Variants in UBE2E2 observed in about 807,000 individuals in gnomAD.
UBE2E2 encodes ubiquitin-conjugating enzyme E2 E2.
A neutral mutation model predicts 24.7 loss-of-function variants in UBE2E2; 6 were observed. The observed-to-expected ratio is 0.24, with a 90% confidence interval of 0.13 to 0.48. UBE2E2 has a LOEUF of 0.48. Among genes scored for constraint, UBE2E2 ranks in the 20% least tolerant of loss-of-function variants. The probability of loss-of-function intolerance (pLI) is 0.99; values close to 1 mark genes in which losing one functional copy is unlikely to be tolerated. For missense variants in UBE2E2, 169 were observed against 245.0 expected, an observed-to-expected ratio of 0.69 and a Z score of 2.07; for synonymous variants, 104 against 83.6, an observed-to-expected ratio of 1.24 and a Z score of -1.33.
intron 3 of UBE2E2, among the ~76,000 whole-genome samples, chr3:23,425,129 A>G (rs970505414): frequency 2.0e-4 from 30 of 152,200 alleles, no homozygotes; most frequent in African/African-American, 6.5e-4. Context: ...CCAAGTGTCA[A>G]TCCTTTCCTT....
intron 5 of UBE2E2, among the ~76,000 whole-genome samples, chr3:23,577,419 G>A (rs1372910485): frequency 6.6e-6 from 1 of 151,958 alleles, no homozygotes; most frequent in Non-Finnish European, 1.5e-5. Context: ...ACTCCCTTAA[G>A]CCAAAGCCTA....
chr3:23,295,986 G>A (rs1698896985), intron 3 of UBE2E2, among the ~76,000 whole-genome samples: 1 of 152,100 alleles, frequency 6.6e-6, no homozygotes, highest in Admixed American at 6.6e-5. Context: ...CTAATATGTG[G>A]CCTCTGCTCT....
chr3:23,312,963 C>T (rs1341763236), intron 3 of UBE2E2, among the ~76,000 whole-genome samples: 2 of 152,092 alleles, frequency 1.3e-5, no homozygotes, highest in Admixed American at 6.6e-5. Context: ...ATACCTGATA[C>T]TATTTCTTTT....
At chr3:23,246,364 G>T (rs1192204908) in intron 3 of UBE2E2, among the ~76,000 whole-genome samples, 1 of 150,960 alleles carries the variant, frequency 6.6e-6, no homozygotes, top group Non-Finnish European at 1.5e-5. Flanking sequence ...GGGACTACAG[G>T]CGCCCGCCAC....
At chr3:23,473,895 C>T (rs1699075653) in intron 3 of UBE2E2, among the ~76,000 whole-genome samples, 1 of 151,954 alleles carries the variant, frequency 6.6e-6, no homozygotes, top group South Asian at 2.1e-4. Flanking sequence ...CATATAATGA[C>T]TTCTTTTCCT....
At chr3:23,289,925 A>G (rs1001527230) in intron 3 of UBE2E2, among the ~76,000 whole-genome samples, 6 of 152,222 alleles carry the variant, frequency 3.9e-5, no homozygotes, top group African/African-American at 1.4e-4. Context: ...ATATGACCAT[A>G]CTTTTGCATA....
intron 5 of UBE2E2, among the ~76,000 whole-genome samples, chr3:23,563,373 A>C (rs185354929): frequency 2.6e-5 from 4 of 151,996 alleles, no homozygotes; most frequent in East Asian, 3.9e-4. Context: ...CATGTAGTTG[A>C]TCGGTTTTGA....
At position 23,589,160 on chromosome 3, in the gene UBE2E2, A is replaced by T. The variant is rs1291502765; in HGVS notation, c.509-574A>T. On this transcript the variant is annotated intron_variant, in intron 5 of 5. Transcript: ENST00000396703. This position sits in a 1 kb window ranked among gnomAD's most constrained non-coding sequence, Gnocchi z 4.1. ...TTGAAGACAGGCATCTCACACCTGTAATCCCAGCACTTTGGGAGGCTGAGG... is the reference window on the plus strand; with the variant it reads ...TTGAAGACAGGCATCTCACACCTGTTATCCCAGCACTTTGGGAGGCTGAGG... 1.3e-5 allele frequency among the ~76,000 whole-genome samples: 2 copies of T among 152,198 alleles called. No individual in the cohort carries two copies. Among genetic ancestry groups the T allele is most frequent in the East Asian group, 3.8e-4 (2 of 5,198 alleles).
intron 3 of UBE2E2, among the ~76,000 whole-genome samples, chr3:23,439,035 G>T (rs1698240281): frequency 6.6e-6 from 1 of 152,148 alleles, no homozygotes; most frequent in Non-Finnish European, 1.5e-5. Flanking sequence ...CTAAGTAATT[G>T]AGTGATCATT....
At chr3:23,268,372 A>T (rs1456064834) in intron 3 of UBE2E2, among the ~76,000 whole-genome samples, 7 of 152,010 alleles carry the variant, frequency 4.6e-5, no homozygotes, top group Non-Finnish European at 7.4e-5. Context: ...AGGATACAAA[A>T]TCAATGTACA....
At chr3:23,267,715 A>G (rs1559326034) in intron 3 of UBE2E2, among the ~76,000 whole-genome samples, 1 of 152,168 alleles carries the variant, frequency 6.6e-6, no homozygotes, top group Non-Finnish European at 1.5e-5. Context: ...TAAGGCCAGC[A>G]TCATCCTGAT....
chr3:23,326,331 A>G (rs1327907651), intron 3 of UBE2E2, among the ~76,000 whole-genome samples: 1 of 152,174 alleles, frequency 6.6e-6, no homozygotes, highest in Admixed American at 6.5e-5. Flanking sequence ...TTGGCCTCCC[A>G]AAGTGCTGGG....
intron 5 of UBE2E2, among the ~76,000 whole-genome samples, chr3:23,572,503 A>G (rs1376461439): frequency 6.6e-6 from 1 of 152,114 alleles, no homozygotes; most frequent in African/African-American, 2.4e-5. Flanking sequence ...AATACCCAAT[A>G]GGAAGTTTCT....
intron 3 of UBE2E2, among the ~76,000 whole-genome samples, chr3:23,248,590 T>C (rs1481529101): frequency 1.3e-5 from 2 of 152,264 alleles, no homozygotes; most frequent in African/African-American, 2.4e-5. Context: ...TTTCTGTAAA[T>C]TCAACTATGT....
At chr3:23,243,087 A>G (rs987217647) in intron 3 of UBE2E2, among the ~76,000 whole-genome samples, 2 of 147,798 alleles carry the variant, frequency 1.4e-5, no homozygotes, top group African/African-American at 2.5e-5. Context: ...CGCTGTTTCA[A>G]AAAAAAAAAA....
intron 3 of UBE2E2, among the ~76,000 whole-genome samples, chr3:23,231,802 C>T (rs760357306): frequency 6.6e-5 from 10 of 152,100 alleles, no homozygotes; most frequent in Admixed American, 2.6e-4. Context: ...CCATGTTTGC[C>T]GGTATATTAC....
chr3:23,577,394 C>T (rs375507719), intron 5 of UBE2E2, among the ~76,000 whole-genome samples: 2 of 151,370 alleles, frequency 1.3e-5, no homozygotes, highest in East Asian at 3.9e-4. Flanking sequence ...GATAGACAGT[C>T]AGACCAGCTA....
chr3:23,343,440 G>A (rs11916447), intron 3 of UBE2E2, among the ~76,000 whole-genome samples: 42,371 of 151,672 alleles, frequency 0.28, 6,111 homozygotes, highest in East Asian at 0.36. Flanking sequence ...GCTGGGTGTC[G>A]TGGCACTCAC....
intron 3 of UBE2E2, among the ~76,000 whole-genome samples, chr3:23,336,288 G>A (rs1228858732): frequency 6.6e-6 from 1 of 152,266 alleles, no homozygotes; most frequent in South Asian, 2.1e-4. Context: ...ATGAATTATA[G>A]TCCTTATCAT....
Sources: gnomAD v4.1 joint callset for allele counts (sites outside exome capture counted in the v4.1 genomes callset) on GRCh38, gnomAD v4.1.1 for gene constraint, Gnocchi (gnomAD v3.1) non-coding constraint, MANE v1.5 for transcripts, NCBI Gene and HGNC (gene_info 2026-07-23, HGNC 2026-07-21) for gene names.